Variants in ANO4 observed in about 807,000 individuals in gnomAD.
ANO4 encodes the protein anoctamin 4.
In ANO4, 69 loss-of-function variants were observed where a neutral mutation model predicts 141.9. The ratio of observed to expected loss-of-function variants is 0.49; its 90% CI spans 0.40 to 0.59. ANO4 has a LOEUF of 0.59. Among genes scored for constraint, ANO4 ranks in the 20% least tolerant of loss-of-function variants. The pLI, the probability that ANO4 is intolerant of heterozygous loss-of-function variation, is 0.00. For missense variants in ANO4, 894 were observed against 1,162.2 expected, an observed-to-expected ratio of 0.77 and a Z score of 3.36; for synonymous variants, 350 against 394.3, an observed-to-expected ratio of 0.89 and a Z score of 1.33.
At chr12:100,888,303 A>G (rs2039937886) in intron 1 of ANO4, among the ~76,000 whole-genome samples, 1 of 152,236 alleles carries the variant, frequency 6.6e-6, no homozygotes, top group Admixed American at 6.5e-5. Context: ...CAGAATTCCA[A>G]CAAACAAACA....
chr12:101,064,842 T>C (rs2048510474), intron 14 of ANO4, among the ~76,000 whole-genome samples: 1 of 152,144 alleles, frequency 6.6e-6, no homozygotes, highest in Non-Finnish European at 1.5e-5. Flanking sequence ...CTGAGTAGCA[T>C]GATGAAATCT....
At chr12:100,729,806 A>G (rs962336039) in intron 1 of ANO4, among the ~76,000 whole-genome samples, 1 of 152,136 alleles carries the variant, frequency 6.6e-6, no homozygotes, top group Non-Finnish European at 1.5e-5. Flanking sequence ...GGCTCTTTGT[A>G]CTTTTGCTCT....
At chr12:101,023,803 T>C (rs2046628808) in intron 9 of ANO4, among the ~76,000 whole-genome samples, 1 of 152,228 alleles carries the variant, frequency 6.6e-6, no homozygotes, top group Non-Finnish European at 1.5e-5. Context: ...GCAAAACTAC[T>C]AATGGCCTGT....
intron 1 of ANO4, among the ~76,000 whole-genome samples, chr12:100,870,615 T>G (rs2038982977): frequency 6.6e-6 from 1 of 152,194 alleles, no homozygotes; most frequent in African/African-American, 2.4e-5. Flanking sequence ...TGGGTCACTT[T>G]TATCTGATGA....
chr12:100,783,142 A>G (rs938350525), intron 3 of ANO4, among the ~76,000 whole-genome samples: 12 of 152,088 alleles, frequency 7.9e-5, no homozygotes, highest in Middle Eastern at 3.2e-3. Context: ...CTTTGCACCT[A>G]CGGTACAATG....
intron 5 of ANO4, among the ~76,000 whole-genome samples, chr12:100,955,704 C>T (rs1047178749): frequency 5.3e-5 from 8 of 152,176 alleles, no homozygotes; most frequent in Non-Finnish European, 1.2e-4. Context: ...GGATAGAATA[C>T]AGTTTGAAAA....
At chr12:100,897,531 C>G (rs1213998387) in intron 1 of ANO4, among the ~76,000 whole-genome samples, 1 of 152,200 alleles carries the variant, frequency 6.6e-6, no homozygotes. Context: ...CACACCTGCC[C>G]TATGGAAAGT....
intron 5 of ANO4, among the ~76,000 whole-genome samples, chr12:100,960,576 C>T (rs1050734111): frequency 4.0e-5 from 6 of 150,552 alleles, no homozygotes; most frequent in Admixed American, 3.3e-4. Flanking sequence ...ACATTCTGCA[C>T]ATGTATCCTG....
chr12:100,778,846 A>G (rs1462770561), intron 3 of ANO4, among the ~76,000 whole-genome samples: 2 of 152,222 alleles, frequency 1.3e-5, no homozygotes, highest in Admixed American at 1.3e-4. Flanking sequence ...TACCATTAGC[A>G]TCGTATTAAA....
chr12:100,942,313 C>T, intron 4 of ANO4, 64 bp from the exon 5 acceptor site: 1 of 1,545,950 alleles, frequency 6.5e-7, no homozygotes, highest in Non-Finnish European at 8.8e-7. Flanking sequence ...TGTTCTTTAA[C>T]ATTACTCACT....
intron 12 of ANO4, 120 bp downstream of exon 12, chr12:101,042,588 T>C: frequency 7.3e-7 from 1 of 1,375,642 alleles, no homozygotes; most frequent in Non-Finnish European, 9.9e-7. Flanking sequence ...TCCTACCCTC[T>C]CATGGAAAAA....
At position 101,110,462 on chromosome 12, in the gene ANO4, G is replaced by C; in HGVS notation, c.2208G>C (p.Leu736=). 6.2e-7 allele frequency: 1 copy of C among 1,612,108 alleles called. No homozygotes were observed. Among genetic ancestry groups the C allele is most frequent in the Non-Finnish European group, 8.5e-7 (1 of 1,179,116 alleles). ...CAGCTTTTCCCCTAGCACCACTTCT[G>C]GCCTTACTGAATAACATAATTGAAA... ...FVAAFPLAPL[L]ALLNNIIEIR... is the part of the protein sequence containing the mutation. Residue 736 remains leucine (L), a synonymous_variant, in exon 23 of 28, where the codon CTG becomes CTC. Coordinates refer to ENST00000392977, the MANE Select transcript of ANO4 (RefSeq NM_001286615.2).
intron 3 of ANO4, among the ~76,000 whole-genome samples, chr12:100,747,105 A>G (rs185574045): frequency 2.6e-5 from 4 of 152,280 alleles, no homozygotes; most frequent in Admixed American, 2.6e-4. Flanking sequence ...GTTTTCAGAC[A>G]TTGCCAAATA....
intron 2 of ANO4, among the ~76,000 whole-genome samples, chr12:100,916,881 C>G (rs2041365973): frequency 6.6e-6 from 1 of 151,324 alleles, no homozygotes; most frequent in Non-Finnish European, 1.5e-5. Context: ...GTTGCTGTTT[C>G]TCTTGTATAA....
chr12:101,101,479 T>C lies in ANO4; in HGVS notation c.2149+1759T>C, dbSNP rs185334809. Among the ~76,000 whole-genome samples the C allele has an allele frequency of 1.5e-4, 23 of 152,182 alleles. No homozygotes were observed. In the East Asian group the frequency reaches 4.1e-3, roughly 27 times the overall value. ...CCTTAGTCATGTGGGTTTTTCTGTT[T>C]GTTTGTTTTGTTTTGTTTGCATTTC... is the stretch of plus-strand genomic sequence containing the variant. On this transcript the variant is annotated intron_variant, in intron 22 of 27. Transcript: ENST00000392977.
Position 100,800,592 on chromosome 12 carries a change from C to G in ANO4, c.-141+5565C>G, listed in dbSNP as rs113207417. On this transcript the variant is annotated intron_variant, in intron 1 of 27. Coordinates refer to ENST00000392977, the MANE Select transcript of ANO4 (RefSeq NM_001286615.2). ...TTATTTTTAGCTTCTGATTTTGTGACCTGACTGAACAGAAGAGACAAATTA... is the reference window on the plus strand; with the variant it reads ...TTATTTTTAGCTTCTGATTTTGTGAGCTGACTGAACAGAAGAGACAAATTA... 7.7e-3 allele frequency among the ~76,000 whole-genome samples: 1,175 copies of G among 152,274 alleles called. 20 individuals carry two copies. Among genetic ancestry groups the G allele is most frequent in the African/African-American group, 0.026 (1,100 of 41,542 alleles).
chr12:100,738,926 A>G (rs2031728993), intron 2 of ANO4, among the ~76,000 whole-genome samples: 1 of 151,278 alleles, frequency 6.6e-6, no homozygotes, highest in African/African-American at 2.4e-5. Flanking sequence ...ACATAACTTA[A>G]TTACAACTTG....
intron 1 of ANO4, among the ~76,000 whole-genome samples, chr12:100,827,288 C>G (rs1166306199): frequency 6.6e-6 from 1 of 151,984 alleles, no homozygotes; most frequent in East Asian, 1.9e-4. Flanking sequence ...ACTCGCGATT[C>G]CCTGTGCCAA....
chr12:100,788,282 CATAAA>C (rs1286814766), intron 3 of ANO4, among the ~76,000 whole-genome samples: 4 of 152,150 alleles, frequency 2.6e-5, no homozygotes, highest in Admixed American at 2.6e-4. Context: ...TCGATTTTAA[CATAAA>C]ATAAGAGAAG....
Sources: allele counts gnomAD v4.1 joint callset (sites outside exome capture counted in the v4.1 genomes callset), GRCh38; gene constraint gnomAD v4.1.1; transcripts MANE v1.5; gene names NCBI Gene and HGNC (gene_info 2026-07-23, HGNC 2026-07-21).